Variants in HHIPL1 observed in about 807,000 individuals in gnomAD.
The protein encoded by HHIPL1 is HHIP like 1, also known as HHIP-like protein 1.
HHIPL1 carries 43 observed loss-of-function variants against 61.8 expected under a neutral mutation model. That is an observed-to-expected ratio of 0.70 (90% CI 0.55 to 0.90). The LOEUF (loss-of-function observed/expected upper bound fraction) is 0.90. Among genes scored for constraint, HHIPL1 ranks in the 40% least tolerant of loss-of-function variants. The pLI, the probability that HHIPL1 is intolerant of heterozygous loss-of-function variation, is 0.00. For synonymous variants in HHIPL1, 482 were observed against 515.8 expected (o/e 0.93, Z 0.89); for missense variants, 1,056 against 1,157.7 (o/e 0.91, Z 1.28).
chr14:99,635,316 G>C, the HHIPL1 span, among the ~76,000 whole-genome samples: 1 of 152,276 alleles, frequency 6.6e-6, no homozygotes, highest in East Asian at 1.9e-4. Flanking sequence ...TGGACAGGTG[G>C]GGTGCTTCCT....
chr14:99,649,420 A>G (rs1444233432), intron 1 of HHIPL1, among the ~76,000 whole-genome samples: 2 of 152,220 alleles, frequency 1.3e-5, no homozygotes, highest in African/African-American at 4.8e-5. Flanking sequence ...TCCAGGCATC[A>G]TGAGGCTTGG....
intron 2 of HHIPL1, among the ~76,000 whole-genome samples, chr14:99,656,296 A>AAAACT (rs1349360020): frequency 6.6e-6 from 1 of 152,116 alleles, no homozygotes; most frequent in African/African-American, 2.4e-5. Flanking sequence ...AAAACAAAAC[A>AAAACT]CTAGGCCAGA....
Position 99,668,766 on chromosome 14 carries a change from T to C in HHIPL1, c.1730+463T>C. ...TGCCTGCCCTTCCTCCTGTGGTCCA[T>C]CTTCCACTGGGGAAAACACATTGGG... is the stretch of plus-strand genomic sequence containing the variant. On this transcript the variant is annotated intron_variant, in intron 7 of 8. Transcript: ENST00000330710. The surrounding 1 kb of genome is among the most constrained non-coding windows in gnomAD (Gnocchi z 4.7). 1 of 1,520,452 alleles carries C rather than the reference T, an allele frequency of 6.6e-7. No homozygotes were observed. The highest frequency in any genetic ancestry group is 8.9e-7 in the Non-Finnish European group (1 of 1,120,764). 94.2% of individuals were successfully genotyped at this position (1,520,452 alleles called of 1,614,324 possible). A position where few individuals can be genotyped will look rare whatever the true frequency, so the allele number is the denominator to read the frequency against.
the HHIPL1 span, among the ~76,000 whole-genome samples, chr14:99,628,112 G>A: frequency 6.6e-6 from 1 of 152,220 alleles, no homozygotes. Context: ...GAGGCCCAGA[G>A]AGAGGTGAGA....
the HHIPL1 span, among the ~76,000 whole-genome samples, chr14:99,638,507 C>G: frequency 6.6e-6 from 1 of 152,174 alleles, no homozygotes; most frequent in Non-Finnish European, 1.5e-5. Context: ...CCTATGTGCC[C>G]TGATAGTGGC....
At chr14:99,648,065 T>C (rs2055869870) in intron 1 of HHIPL1, among the ~76,000 whole-genome samples, 1 of 152,134 alleles carries the variant, frequency 6.6e-6, no homozygotes, top group South Asian at 2.1e-4. Context: ...CTGAGCCTGT[T>C]AGGAGGCAGC....
intron 8 of HHIPL1, 61 bp downstream of exon 8, chr14:99,672,460 TGCCTTTCCA>T (rs2056336402): frequency 7.1e-7 from 1 of 1,417,698 alleles, no homozygotes; most frequent in African/African-American, 1.4e-5. Flanking sequence ...CCACAACGGC[TGCCTTTCCA>T]GCCAGACTCG....
rs2056404192 is a variant in HHIPL1 at position 99,677,643 on chromosome 14, A to AC, written c.*2018dup. 1.3e-5 allele frequency: 2 copies of AC among 152,224 alleles called. No individual in the cohort carries two copies. The highest frequency in any genetic ancestry group is 2.9e-5 in the Non-Finnish European group (2 of 68,084). The allele number at this position is 152,224 out of a possible 1,614,324, so 9.4% of individuals were successfully genotyped here. A position where few individuals can be genotyped will look rare whatever the true frequency, so the allele number is the denominator to read the frequency against. The stretch of plus-strand genomic sequence containing the variant: ...TGTTGCCAGATGAGGCCACGCTGAG[A>AC]CTGGAGCCAGGGAAGGTGCAGCAAG... On this transcript the variant is annotated 3_prime_UTR_variant, in exon 9 of 9. Coordinates refer to ENST00000330710, the MANE Select transcript of HHIPL1 (RefSeq NM_001127258.3). This position sits in a 1 kb window ranked among gnomAD's most constrained non-coding sequence, Gnocchi z 4.3.
rs544154355 is a variant in HHIPL1 at position 99,675,417 on chromosome 14, C to T, written c.2140C>T (p.Arg714Cys). The T allele has an allele frequency of 1.2e-5, 19 of 1,531,362 alleles. No individual in the cohort carries two copies. Among genetic ancestry groups the T allele is most frequent in the Admixed American group, 2.0e-5 (1 of 50,706 alleles). 94.9% of individuals were successfully genotyped at this position (1,531,362 alleles called of 1,614,324 possible). A position where few individuals can be genotyped will look rare whatever the true frequency, so the allele number is the denominator to read the frequency against. Residue 714 changes from arginine to cysteine, a missense_variant, in exon 9 of 9, where the codon CGC becomes TGC. By Grantham distance (180) the Arg-to-Cys change is radical (BLOSUM62 -3). Coordinates refer to ENST00000330710, the MANE Select transcript of HHIPL1 (RefSeq NM_001127258.3). This position sits in a 1 kb window ranked among gnomAD's most constrained non-coding sequence, Gnocchi z 5.4. ...CATCAGCGGCGCCGCCGTCGTGTGT[C>T]GCCAGCTGGGGTTTGCCTACGCCGT... ...WNISGAAVVC[R>C]QLGFAYAVRA...
chr14:99,644,747 C>T (rs1008976667), upstream of HHIPL1, among the ~76,000 whole-genome samples: 4 of 152,192 alleles, frequency 2.6e-5, no homozygotes, highest in African/African-American at 9.6e-5. Flanking sequence ...GCAACACCCC[C>T]TGTTCTTTCC....
At chr14:99,670,126 T>C (rs962147249) in intron 7 of HHIPL1, among the ~76,000 whole-genome samples, 1 of 151,960 alleles carries the variant, frequency 6.6e-6, no homozygotes, top group African/African-American at 2.4e-5. Context: ...TTTTTTTTTT[T>C]TTTGAGACGG....
At chr14:99,611,130 GT>G in the HHIPL1 span, among the ~76,000 whole-genome samples, 1 of 152,080 alleles carries the variant, frequency 6.6e-6, no homozygotes, top group Non-Finnish European at 1.5e-5. Context: ...GAAGACATTT[GT>G]TTCTAGTTTT....
chr14:99,649,922 A>G (rs2055899068), intron 1 of HHIPL1, among the ~76,000 whole-genome samples: 1 of 152,248 alleles, frequency 6.6e-6, no homozygotes, highest in South Asian at 2.1e-4. Flanking sequence ...GGTGGTTCCC[A>G]GTGAACCATG....
chr14:99,606,671 A>C, the HHIPL1 span, among the ~76,000 whole-genome samples: 1 of 152,224 alleles, frequency 6.6e-6, no homozygotes, highest in Non-Finnish European at 1.5e-5. Flanking sequence ...CGTCATCTAC[A>C]GGCTGTGTGG....
rs773275439 is a variant in HHIPL1, at chr14:99,677,626, G to C, written c.*2000G>C. ...GCTGAGTGTCCCAGGCCTGTTGCCAGATGAGGCCACGCTGAGACTGGAGCC... is the reference window on the plus strand; with the variant it reads ...GCTGAGTGTCCCAGGCCTGTTGCCACATGAGGCCACGCTGAGACTGGAGCC... On this transcript the variant is annotated 3_prime_UTR_variant, in exon 9 of 9. Transcript: ENST00000330710. The surrounding 1 kb of genome is among the most constrained non-coding windows in gnomAD (Gnocchi z 4.3). The C allele has an allele frequency of 6.6e-6, 1 of 152,370 alleles. No individual in the cohort carries two copies. The highest frequency in any genetic ancestry group is 1.5e-5 in the Non-Finnish European group (1 of 68,124). The allele number at this position is 152,370 out of a possible 1,614,324, so 9.4% of individuals were successfully genotyped here. A position where few individuals can be genotyped will look rare whatever the true frequency, so the allele number is the denominator to read the frequency against.
chr14:99,662,596 G>T (rs73348560), intron 5 of HHIPL1, among the ~76,000 whole-genome samples: 5,446 of 152,248 alleles, frequency 0.036, 317 homozygotes, highest in African/African-American at 0.12. Flanking sequence ...ACCCAGAAAG[G>T]TTCACCCTTG....
the HHIPL1 span, among the ~76,000 whole-genome samples, chr14:99,630,326 T>G: frequency 6.6e-6 from 1 of 152,228 alleles, no homozygotes. Flanking sequence ...CTGCAGTCCC[T>G]GTCATTCCAT....
Position 99,645,327 on chromosome 14 carries a change from GC to G in HHIPL1, c.121del (p.Gln41SerfsTer16). The G allele has an allele frequency of 1.4e-6, 2 of 1,458,798 alleles. No homozygotes were observed. Among genetic ancestry groups the G allele is most frequent in the Non-Finnish European group, 1.8e-6 (2 of 1,110,268 alleles). The allele number at this position is 1,458,798 out of a possible 1,614,324, so 90.4% of individuals were successfully genotyped here. A position where few individuals can be genotyped will look rare whatever the true frequency, so the allele number is the denominator to read the frequency against. On this transcript the variant is annotated frameshift_variant, in exon 1 of 9. Transcript: ENST00000330710. LOFTEE classifies it high-confidence loss of function. ...RPTQPLRLCA[Q>X]YSDFGCCDEG... is the part of the protein sequence containing the mutation. ...CGACGCAGCCGCTGCGCCTCTGCGC[GC>G]AGTACTCGGACTTCGGCTGCTGCGA...
chr14:99,652,123 T>A (rs2055940623), intron 1 of HHIPL1, 101 bp from the exon 2 acceptor site: 1 of 1,095,772 alleles, frequency 9.1e-7, no homozygotes, highest in South Asian at 1.5e-5. Context: ...ATTTTATGGA[T>A]CAGCAGACTG....
Sources: gnomAD v4.1 joint callset for allele counts (sites outside exome capture counted in the v4.1 genomes callset) on GRCh38, gnomAD v4.1.1 for gene constraint, Gnocchi (gnomAD v3.1) non-coding constraint, MANE v1.5 for transcripts, NCBI Gene and HGNC (gene_info 2026-07-23, HGNC 2026-07-21) for gene names.